Variants in BAIAP2 observed in about 807,000 individuals in gnomAD.
BAIAP2 encodes BAR/IMD domain containing adaptor protein 2, also known as BAR/IMD domain-containing adapter protein 2.
In BAIAP2, 18 loss-of-function variants were observed where a neutral mutation model predicts 63.0. The ratio of observed to expected loss-of-function variants is 0.29; its 90% CI spans 0.20 to 0.42. The LOEUF (loss-of-function observed/expected upper bound fraction) is 0.42, where lower values mean the gene tolerates loss of function less well. Among genes scored for constraint, BAIAP2 ranks in the 10% least tolerant of loss-of-function variants. The pLI is 1.00. For synonymous variants in BAIAP2, 386 were observed against 307.6 expected (o/e 1.25, Z -2.67); for missense variants, 610 against 734.3 (o/e 0.83, Z 1.96).
chr17:81,042,142 CTT>C (rs36029761), intron 1 of BAIAP2, among the ~76,000 whole-genome samples: 77,862 of 109,340 alleles, frequency 0.71, 26,971 homozygotes, highest in Middle Eastern at 0.78. Flanking sequence ...TTTCTTTTTT[CTT>C]TTTTTTTTTT....
intron 6 of BAIAP2, among the ~76,000 whole-genome samples, chr17:81,091,469 G>A (rs139302654): frequency 2.0e-5 from 3 of 152,198 alleles, no homozygotes; most frequent in South Asian, 2.1e-4. Flanking sequence ...TATAGTTCAC[G>A]GTGCCCCCTT....
At chr17:81,106,565 G>A (rs71373061) in intron 11 of BAIAP2, among the ~76,000 whole-genome samples, 180 bp from the exon 12 acceptor site, 1 of 152,224 alleles carries the variant, frequency 6.6e-6, no homozygotes, top group Non-Finnish European at 1.5e-5. Flanking sequence ...TGGCCAGGAG[G>A]AGGAAGGGAG....
At chr17:81,102,464 C>T (rs1037786555) in intron 7 of BAIAP2, among the ~76,000 whole-genome samples, 43 of 152,164 alleles carry the variant, frequency 2.8e-4, no homozygotes, top group African/African-American at 8.2e-4. Context: ...CTCTGTGGGC[C>T]GTGCCGTCTC....
chr17:81,062,872 T>C (rs761344673), intron 3 of BAIAP2, among the ~76,000 whole-genome samples: 31 of 152,172 alleles, frequency 2.0e-4, no homozygotes, highest in Non-Finnish European at 3.2e-4. Context: ...CGCTGCTGTG[T>C]TCAGGGCCAC....
chr17:81,062,424 G>C (rs560220728), intron 3 of BAIAP2, among the ~76,000 whole-genome samples: 3 of 151,694 alleles, frequency 2.0e-5, no homozygotes, highest in African/African-American at 7.3e-5. Context: ...TAATGGTCTC[G>C]CGTCTTGGTT....
intron 4 of BAIAP2, chr17:81,085,430 C>T (rs8080815): frequency 0.24 from 163,955 of 675,252 alleles, 21,172 homozygotes; most frequent in East Asian, 0.43. Flanking sequence ...TGTTTGGAGG[C>T]GAGATTGTCC....
chr17:81,116,384 T>A lies in BAIAP2; in HGVS notation c.*545T>A. 4 of 1,550,668 alleles carry A rather than the reference T, an allele frequency of 2.6e-6. No homozygotes were observed. The highest frequency in any genetic ancestry group is 3.5e-6 in the Non-Finnish European group (4 of 1,137,352). On this transcript the variant is annotated 3_prime_UTR_variant, in exon 14 of 14. Coordinates refer to ENST00000428708, the MANE Select transcript of BAIAP2 (RefSeq NM_001144888.2). ...GGGGCCTGGTCCCTCCCCATGCCCC[T>A]CGGTGGGGCTCTCCTGGGCCCCTCA...
intron 2 of BAIAP2, chr17:81,056,315 A>G (rs950696902): frequency 1.3e-5 from 2 of 152,184 alleles, no homozygotes; most frequent in African/African-American, 4.8e-5. Flanking sequence ...GGCCATTACA[A>G]TGAGAATCCA....
chr17:81,050,648 G>A (rs1033907801), intron 1 of BAIAP2, among the ~76,000 whole-genome samples: 4 of 151,796 alleles, frequency 2.6e-5, no homozygotes, highest in African/African-American at 7.3e-5. Flanking sequence ...GCCCACCTCC[G>A]TGGTAGTGTT....
chr17:81,104,145 G>C (rs777513202), intron 9 of BAIAP2, 37 bp downstream of exon 9: 1 of 1,606,514 alleles, frequency 6.2e-7, no homozygotes, highest in Non-Finnish European at 8.5e-7. Flanking sequence ...TGGGGTCCCT[G>C]GACGTGCCTC....
intron 1 of BAIAP2, among the ~76,000 whole-genome samples, chr17:81,052,191 C>T (rs1386712757): frequency 6.6e-6 from 1 of 152,226 alleles, no homozygotes; most frequent in Non-Finnish European, 1.5e-5. Context: ...TTGCCCTGCC[C>T]TGGTCTGCCC....
intron 1 of BAIAP2, among the ~76,000 whole-genome samples, chr17:81,043,240 C>G (rs1462826553): frequency 1.3e-5 from 2 of 152,164 alleles, no homozygotes; most frequent in South Asian, 4.1e-4. Flanking sequence ...GGACCTGGGT[C>G]CCCCCATACC....
intron 6 of BAIAP2, among the ~76,000 whole-genome samples, chr17:81,090,115 C>G (rs2145464640): frequency 6.6e-6 from 1 of 152,228 alleles, no homozygotes; most frequent in East Asian, 1.9e-4. Flanking sequence ...CTGGACTGTC[C>G]CCACCTGGGC....
chr17:81,113,133 C>A (rs1018577325), intron 13 of BAIAP2, among the ~76,000 whole-genome samples: 10 of 152,238 alleles, frequency 6.6e-5, no homozygotes, highest in African/African-American at 2.4e-4. Flanking sequence ...TGAGGGGAGG[C>A]TCTCTGTGAG....
intron 13 of BAIAP2, among the ~76,000 whole-genome samples, chr17:81,112,614 G>A (rs909984144): frequency 2.6e-5 from 4 of 152,246 alleles, no homozygotes; most frequent in East Asian, 1.9e-4. Flanking sequence ...CTGAAGACAC[G>A]AAGAAACAGC....
intron 6 of BAIAP2, among the ~76,000 whole-genome samples, chr17:81,089,702 C>T (rs1207671363): frequency 2.0e-5 from 3 of 152,286 alleles, no homozygotes; most frequent in East Asian, 1.9e-4. Context: ...CCCCGGAGCC[C>T]GGCAGGGTCA....
At position 81,109,902 on chromosome 17, in the gene BAIAP2, C is replaced by T. The variant is rs775736633; in HGVS notation, c.1535+1393C>T. The T allele has an allele frequency of 2.5e-5, 25 of 985,350 alleles. No individual in the cohort carries two copies. In the Admixed American group the frequency reaches 6.1e-4, roughly 24 times the overall value. The allele number at this position is 985,350 out of a possible 1,614,324, so 61.0% of individuals were successfully genotyped here. On this transcript the variant is annotated intron_variant, in intron 13 of 13. Transcript: ENST00000428708. Reference sequence around the variant, plus strand: ...CTGGGCAGGGTGTGCGGGCCGGGCCCGGCTGGGGGAGGGCAGCTCTGGGCA... The same window carrying T: ...CTGGGCAGGGTGTGCGGGCCGGGCCTGGCTGGGGGAGGGCAGCTCTGGGCA...
intron 1 of BAIAP2, among the ~76,000 whole-genome samples, chr17:81,042,725 G>A (rs2047257636): frequency 6.6e-6 from 1 of 152,026 alleles, no homozygotes; most frequent in Non-Finnish European, 1.5e-5. Flanking sequence ...ATGGGGGTGG[G>A]GATGGTGGTG....
Position 81,104,181 on chromosome 17 carries a change from C to T in BAIAP2, c.1066+73C>T, listed in dbSNP as rs1421403132. ...CTCAGACCCTACAGTCATGCCACAA[C>T]CCTCAATAGGGGCCTGGGAGACCCT... On this transcript the variant is annotated intron_variant, in intron 9 of 13. Transcript: ENST00000428708. The T allele has an allele frequency of 6.2e-5, 92 of 1,488,244 alleles. 2 individuals carry two copies. Among genetic ancestry groups the T allele is most frequent in the South Asian group, 5.7e-4 (49 of 86,262 alleles). The allele number at this position is 1,488,244 out of a possible 1,614,324, so 92.2% of individuals were successfully genotyped here.
Sources: gnomAD v4.1 joint callset for allele counts (sites outside exome capture counted in the v4.1 genomes callset) on GRCh38, gnomAD v4.1.1 for gene constraint, MANE v1.5 for transcripts, NCBI Gene and HGNC (gene_info 2026-07-23, HGNC 2026-07-21) for gene names.